CSTF3: variants seen among roughly 807,000 people sequenced by gnomAD.
The protein encoded by CSTF3 is CF-1 77 kDa subunit.
A neutral mutation model predicts 105.8 loss-of-function variants in CSTF3; 29 were observed. The observed-to-expected ratio is 0.27, with a 90% CI of 0.20 to 0.37. CSTF3 has a LOEUF of 0.37. CSTF3 is among the 10% of genes least tolerant of loss of function. The probability of loss-of-function intolerance (pLI) is 1.00; values close to 1 mark genes in which losing one functional copy is unlikely to be tolerated. For missense variants in CSTF3, 357 were observed against 879.3 expected (o/e 0.41, Z 7.51); for synonymous variants, 252 against 281.9 (o/e 0.89, Z 1.06).
intron 3 of CSTF3, among the ~76,000 whole-genome samples, chr11:33,132,607 C>T (rs899553845): frequency 6.6e-6 from 1 of 152,144 alleles, no homozygotes; most frequent in Non-Finnish European, 1.5e-5. Context: ...ATTCTGTCAA[C>T]TCAGGAAATT....
intron 1 of CSTF3, among the ~76,000 whole-genome samples, chr11:33,154,321 T>C (rs1391109689): frequency 6.6e-6 from 1 of 152,176 alleles, no homozygotes; most frequent in Non-Finnish European, 1.5e-5. Flanking sequence ...TTTCCAAATG[T>C]CACGTTTCAT....
At chr11:33,136,457 G>C (rs1414149444) in intron 3 of CSTF3, among the ~76,000 whole-genome samples, 1 of 151,892 alleles carries the variant, frequency 6.6e-6, no homozygotes, top group African/African-American at 2.4e-5. Context: ...TAATATTTTA[G>C]ACATCTTCAT....
chr11:33,117,932 C>CAA (rs1215272879), intron 3 of CSTF3, among the ~76,000 whole-genome samples: 1 of 151,712 alleles, frequency 6.6e-6, no homozygotes, highest in Non-Finnish European at 1.5e-5. Context: ...AACTGTTGAC[C>CAA]AAAACTATTT....
intron 1 of CSTF3, among the ~76,000 whole-genome samples, chr11:33,147,640 A>AT (rs1565019392): frequency 6.6e-6 from 1 of 152,166 alleles, no homozygotes; most frequent in African/African-American, 2.4e-5. Flanking sequence ...CTATAAAATG[A>AT]TAACGATTAA....
chr11:33,103,840 TTTTC>T (rs998213198), intron 8 of CSTF3, among the ~76,000 whole-genome samples: 1 of 152,056 alleles, frequency 6.6e-6, no homozygotes, highest in African/African-American at 2.4e-5. Context: ...GCCCTTTTCT[TTTTC>T]TTTTTTATAA....
At chr11:33,102,674 A>C (rs1294773966) in intron 9 of CSTF3, among the ~76,000 whole-genome samples, 1 of 152,138 alleles carries the variant, frequency 6.6e-6, no homozygotes, top group Non-Finnish European at 1.5e-5. Flanking sequence ...TGTCTTTTAA[A>C]ATTTCAATAG....
At chr11:33,145,618 C>G (rs1855772252) in intron 1 of CSTF3, among the ~76,000 whole-genome samples, 1 of 151,728 alleles carries the variant, frequency 6.6e-6, no homozygotes, top group Non-Finnish European at 1.5e-5. Flanking sequence ...CAGAAACCAT[C>G]CTGGCTAACA....
intron 1 of CSTF3, among the ~76,000 whole-genome samples, chr11:33,160,041 A>T (rs1849919422): frequency 6.6e-6 from 1 of 152,068 alleles, no homozygotes; most frequent in South Asian, 2.1e-4. Flanking sequence ...AAGAATTAAC[A>T]ATGAATTTCG....
chr11:33,085,865 A>C (rs755331713), intron 19 of CSTF3, 30 bp downstream of exon 19: 6 of 1,577,426 alleles, frequency 3.8e-6, no homozygotes, highest in Non-Finnish European at 5.2e-6. Flanking sequence ...CCACAGAGCC[A>C]GTATCTACCA....
intron 1 of CSTF3, among the ~76,000 whole-genome samples, chr11:33,155,933 G>A (rs1170522158): frequency 6.6e-6 from 1 of 152,126 alleles, no homozygotes; most frequent in African/African-American, 2.4e-5. Context: ...CCCAAATACA[G>A]ATTTTGCCCT....
At chr11:33,150,560 G>GA (rs1855847055) in intron 1 of CSTF3, among the ~76,000 whole-genome samples, 1 of 152,060 alleles carries the variant, frequency 6.6e-6, no homozygotes, top group Non-Finnish European at 1.5e-5. Flanking sequence ...CTGGCTAAAA[G>GA]AAAGAAGGTA....
At chr11:33,126,407 G>A (rs569136259) in intron 3 of CSTF3, among the ~76,000 whole-genome samples, 2 of 151,918 alleles carry the variant, frequency 1.3e-5, no homozygotes, top group East Asian at 3.9e-4. Context: ...CGGAGTTCAA[G>A]CGACCGCACT....
At chr11:33,090,781 G>C in intron 16 of CSTF3, 54 bp from the exon 17 acceptor site, 1 of 1,283,362 alleles carries the variant, frequency 7.8e-7, no homozygotes, top group Non-Finnish European at 1.0e-6. Flanking sequence ...TTAGGGCAGG[G>C]AGTTCATTTA....
At position 33,096,193 on chromosome 11, in the gene CSTF3, G is replaced by A. The variant is rs1366707375; in HGVS notation, c.1375+113C>T. The A allele has an allele frequency of 6.2e-6, 4 of 650,118 alleles. No individual in the cohort carries two copies. In the East Asian group the frequency reaches 9.4e-5, roughly 15 times the overall value. The allele number at this position is 650,118 out of a possible 1,614,324, so 40.3% of individuals were successfully genotyped here. On this transcript the variant is annotated intron_variant, in intron 15 of 20. Transcript: ENST00000323959. ...CAAGTATTTCTTGAGTGCCTAACAA[G>A]TGCCTGTCTGCTATGTCAAAATTAT...
chr11:33,128,075 G>A (rs1855562264), intron 3 of CSTF3, among the ~76,000 whole-genome samples: 1 of 152,120 alleles, frequency 6.6e-6, no homozygotes. Context: ...GCTAGACGCT[G>A]GCAATGTGGT....
chr11:33,090,598 T>C lies in CSTF3; in HGVS notation c.1575A>G (p.Val525=), dbSNP rs372579162. The change falls in exon 17 of 21, where the codon GTA becomes GTG. Residue 525 remains valine (V), a synonymous_variant. Transcript: ENST00000323959. ...ATAAATCCATGAACTTGTATCTATC[T>C]ACTAGTAAAGCCGTTTCTTTCCCTT... ...EYEGKETALL[V]DRYKFMDLYP... 11 of 1,610,950 alleles carry C rather than the reference T, an allele frequency of 6.8e-6. No homozygotes were observed. Among genetic ancestry groups the C allele is most frequent in the Non-Finnish European group, 9.3e-6 (11 of 1,179,112 alleles).
At chr11:33,132,458 G>A (rs1388809915) in intron 3 of CSTF3, among the ~76,000 whole-genome samples, 2 of 152,234 alleles carry the variant, frequency 1.3e-5, no homozygotes, top group East Asian at 3.9e-4. Flanking sequence ...AACTCGTGGG[G>A]CTCAGGCAAT....
chr11:33,088,383 C>T (rs1855129915), intron 17 of CSTF3, among the ~76,000 whole-genome samples: 1 of 150,820 alleles, frequency 6.6e-6, no homozygotes, highest in African/African-American at 2.4e-5. Context: ...TGGGTTCAAG[C>T]AATTCTCCTG....
rs1855414208 is a variant in CSTF3, at chr11:33,114,756, CAGG to C, written c.226-6341_226-6339del. 2.0e-5 allele frequency among the ~76,000 whole-genome samples: 3 copies of C among 151,880 alleles called. No individual in the cohort carries two copies. In the South Asian group the frequency reaches 6.2e-4, roughly 31 times the overall value. ...ATCCCAGCTACTTGGGAGGCTGAGG[CAGG>C]AGAACTGCTTGAACCCGGGAGGTGG... On this transcript the variant is annotated intron_variant, in intron 3 of 20. Transcript: ENST00000323959.
Sources: gnomAD v4.1 joint callset for allele counts (sites outside exome capture counted in the v4.1 genomes callset) on GRCh38, gnomAD v4.1.1 for gene constraint, MANE v1.5 for transcripts, NCBI Gene and HGNC (gene_info 2026-07-23, HGNC 2026-07-21) for gene names.